Variants in SLC38A6 observed in about 807,000 individuals in gnomAD.
SLC38A6 encodes the protein solute carrier family 38 member 6.
Under a neutral mutation model 65.0 loss-of-function variants are expected in SLC38A6, and 73 were observed. That is an observed-to-expected ratio of 1.12 (90% confidence interval 0.93 to 1.37). SLC38A6 has a LOEUF of 1.37. Among genes scored for constraint, SLC38A6 ranks in the 40% most tolerant of loss-of-function variants. SLC38A6 has a pLI of 0.00. For synonymous variants in SLC38A6, 183 were observed against 178.8 expected (o/e 1.02, Z -0.19); for missense variants, 561 against 531.1 (o/e 1.06, Z -0.55).
intron 16 of SLC38A6, among the ~76,000 whole-genome samples, chr14:61,082,754 G>A (rs1214859445): frequency 6.6e-6 from 1 of 152,106 alleles, no homozygotes; most frequent in African/African-American, 2.4e-5. Context: ...ATGACTGCAG[G>A]GATCATGCCT....
chr14:61,043,230 C>A lies in SLC38A6; in HGVS notation c.690+18C>A, dbSNP rs752241058. 7.1e-7 allele frequency: 1 copy of A among 1,403,600 alleles called. No individual in the cohort carries two copies. Among genetic ancestry groups the A allele is most frequent in the East Asian group, 2.3e-5 (1 of 42,918 alleles). 86.9% of individuals were successfully genotyped at this position (1,403,600 alleles called of 1,614,324 possible). On this transcript the variant is annotated intron_variant, in intron 9 of 15. Coordinates refer to ENST00000267488, the MANE Select transcript of SLC38A6 (RefSeq NM_153811.3). ...GTTTCCAGGTAATAGCTTATATTTT[C>A]TTTTCAGTTTCTTCCTTTTTATTTT...
At position 61,050,618 on chromosome 14, in the gene SLC38A6, C is replaced by T. The variant is rs150997058; in HGVS notation, c.1032C>T (p.Val344=). The T allele has an allele frequency of 3.3e-5, 52 of 1,572,570 alleles. No homozygotes were observed. The highest frequency in any genetic ancestry group is 2.4e-4 in the Admixed American group (14 of 58,442). Reference sequence around the variant, plus strand: ...TACTATTTGCTGTGCTTTTGACAGTCCCTCTAATCCACTTCCCTGTAAGTA... The same window carrying T: ...TACTATTTGCTGTGCTTTTGACAGTTCCTCTAATCCACTTCCCTGTAAGTA... ...LCILFAVLLT[V]PLIHFPARKA... The change falls in exon 13 of 16, where the codon GTC becomes GTT. Residue 344 remains valine, a synonymous_variant. Transcript: ENST00000267488.
At chr14:61,074,634 G>GAGACACAATTCTGTCCAC in intron 15 of SLC38A6, among the ~76,000 whole-genome samples, 1 of 152,110 alleles carries the variant, frequency 6.6e-6, no homozygotes, top group East Asian at 1.9e-4. Flanking sequence ...GGGGTTGGAG[G>GAGACACAATTCTGTCCAC]AGACACAATT....
At chr14:61,071,227 A>G (rs955868281) in intron 15 of SLC38A6, among the ~76,000 whole-genome samples, 1 of 152,142 alleles carries the variant, frequency 6.6e-6, no homozygotes, top group Admixed American at 6.5e-5. Context: ...AAATGTTGCA[A>G]TTTTATATAA....
At chr14:61,060,916 C>T (rs1284611508) in intron 15 of SLC38A6, among the ~76,000 whole-genome samples, 6 of 147,302 alleles carry the variant, frequency 4.1e-5, no homozygotes, top group Non-Finnish European at 7.5e-5. Flanking sequence ...TTCTTTGACT[C>T]GGAAAGGGAA....
At chr14:61,054,665 T>G (rs1376122640), downstream of SLC38A6, among the ~76,000 whole-genome samples, 2 of 152,212 alleles carry the variant, frequency 1.3e-5, no homozygotes, top group African/African-American at 2.4e-5. Context: ...GATTTGGCTC[T>G]CAGTTTGGTT....
chr14:61,003,731 T>A (rs1019421296), intron 3 of SLC38A6, among the ~76,000 whole-genome samples: 32 of 152,158 alleles, frequency 2.1e-4, no homozygotes, highest in Non-Finnish European at 3.7e-4. Flanking sequence ...GTGTACACAT[T>A]TTATTTAGTA....
chr14:60,991,597 C>T (rs1442625874), intron 3 of SLC38A6, among the ~76,000 whole-genome samples: 1 of 152,182 alleles, frequency 6.6e-6, no homozygotes, highest in Non-Finnish European at 1.5e-5. Context: ...TCTCCTGCTT[C>T]CATACCTTTG....
At chr14:60,994,343 C>T (rs962075342) in intron 3 of SLC38A6, among the ~76,000 whole-genome samples, 1 of 151,950 alleles carries the variant, frequency 6.6e-6, no homozygotes, top group African/African-American at 2.4e-5. Context: ...GTTGGGAGAT[C>T]GAGACCAACC....
chr14:61,004,022 A>G (rs2038899276), intron 3 of SLC38A6, among the ~76,000 whole-genome samples: 2 of 152,190 alleles, frequency 1.3e-5, no homozygotes, highest in South Asian at 2.1e-4. Context: ...GTTTGAGGTT[A>G]CTAAAATGTA....
At chr14:61,045,504 C>CT in intron 11 of SLC38A6, 79 bp downstream of exon 11, 1 of 1,053,022 alleles carries the variant, frequency 9.5e-7, no homozygotes, top group South Asian at 1.4e-5. Flanking sequence ...ATGACATCCT[C>CT]TTTTATTAAT....
intron 3 of SLC38A6, among the ~76,000 whole-genome samples, chr14:60,996,436 G>C (rs1016725955): frequency 4.6e-5 from 7 of 151,942 alleles, no homozygotes; most frequent in Admixed American, 1.3e-4. Context: ...TTTCCTGGGG[G>C]TGGAAAAAAA....
chr14:60,981,427 T>G, intron 1 of SLC38A6, 45 bp downstream of exon 1: 1 of 1,552,646 alleles, frequency 6.4e-7, no homozygotes, highest in Non-Finnish European at 8.7e-7. Flanking sequence ...CCCTCCGGCT[T>G]CCCTCAAGTG....
chr14:61,049,447 C>T (rs2042372392), intron 12 of SLC38A6, among the ~76,000 whole-genome samples: 1 of 152,100 alleles, frequency 6.6e-6, no homozygotes, highest in South Asian at 2.1e-4. Flanking sequence ...TTCTCAGTAA[C>T]CCTATAGTTT....
chr14:61,077,945 A>G (rs974142069), intron 15 of SLC38A6, among the ~76,000 whole-genome samples: 5 of 152,240 alleles, frequency 3.3e-5, no homozygotes, highest in African/African-American at 1.2e-4. Flanking sequence ...AAATTCTCAA[A>G]TTATATTTCC....
chr14:61,008,740 G>A (rs1452007621), intron 3 of SLC38A6, among the ~76,000 whole-genome samples: 1 of 152,138 alleles, frequency 6.6e-6, no homozygotes, highest in Admixed American at 6.6e-5. Flanking sequence ...GATGACAAAA[G>A]AAAGTATATG....
chr14:61,007,400 T>G (rs1386411680), intron 3 of SLC38A6, among the ~76,000 whole-genome samples: 5 of 151,846 alleles, frequency 3.3e-5, no homozygotes, highest in Non-Finnish European at 7.4e-5. Flanking sequence ...GAGGCCAAGG[T>G]AGGAGGATGG....
At chr14:61,009,526 A>C (rs1417055986) in intron 3 of SLC38A6, among the ~76,000 whole-genome samples, 1 of 151,302 alleles carries the variant, frequency 6.6e-6, no homozygotes, top group Non-Finnish European at 1.5e-5. Context: ...TCCTAATGCT[A>C]TCCCTCCCCC....
chr14:60,996,904 T>C (rs1233373846), intron 3 of SLC38A6, among the ~76,000 whole-genome samples: 1 of 152,222 alleles, frequency 6.6e-6, no homozygotes, highest in African/African-American at 2.4e-5. Flanking sequence ...AAACTGTTGC[T>C]TAAGTGTGAA....
Sources: allele counts gnomAD v4.1 joint callset (sites outside exome capture counted in the v4.1 genomes callset), GRCh38; gene constraint gnomAD v4.1.1; transcripts MANE v1.5; gene names NCBI Gene and HGNC (gene_info 2026-07-23, HGNC 2026-07-21).